The following RANBP3L variants were observed in gnomAD, a reference collection of about 807,000 sequenced individuals.
RANBP3L encodes RAN binding protein 3 like, also known as ran-binding protein 3-like.
A neutral mutation model predicts 67.2 loss-of-function variants in RANBP3L; 56 were observed. The ratio of observed to expected loss-of-function variants is 0.83; its 90% CI spans 0.67 to 1.04. The LOEUF (loss-of-function observed/expected upper bound fraction) is 1.04. Ranked by LOEUF, RANBP3L falls within the 50% of genes least tolerant of loss-of-function variation. The pLI is 0.00. For missense variants in RANBP3L, 496 were observed against 535.5 expected (o/e 0.93, Z 0.73); for synonymous variants, 164 against 181.4 (o/e 0.90, Z 0.77).
At chr5:36,259,663 A>T (rs1247722168) in intron 8 of RANBP3L, among the ~76,000 whole-genome samples, 3 of 152,146 alleles carry the variant, frequency 2.0e-5, no homozygotes, top group Non-Finnish European at 4.4e-5. Flanking sequence ...TGGGTTTTTA[A>T]ATCTCTGCAG....
At chr5:36,251,267 G>C (rs764123833) in intron 13 of RANBP3L, 46 bp downstream of exon 13, 2 of 1,513,366 alleles carry the variant, frequency 1.3e-6, no homozygotes, top group Non-Finnish European at 1.8e-6. Context: ...TCGTGCTTAA[G>C]AATTCTTTTT....
intron 1 of RANBP3L, among the ~76,000 whole-genome samples, chr5:36,297,125 A>G (rs751622158): frequency 5.1e-4 from 77 of 152,304 alleles, no homozygotes; most frequent in Middle Eastern, 3.4e-3. Context: ...TCAATAACAT[A>G]AGACAGTCGA....
intron 1 of RANBP3L, among the ~76,000 whole-genome samples, chr5:36,300,170 G>C (rs1212462898): frequency 2.0e-5 from 3 of 152,144 alleles, no homozygotes; most frequent in African/African-American, 7.2e-5. Context: ...AGAAGCAAGA[G>C]CATTTTACAG....
At chr5:36,272,351 C>T (rs1251625335) in intron 1 of RANBP3L, among the ~76,000 whole-genome samples, 1 of 152,176 alleles carries the variant, frequency 6.6e-6, no homozygotes, top group African/African-American at 2.4e-5. Context: ...GAACTTTTCT[C>T]AGTATAGCAA....
chr5:36,251,332 T>A lies in RANBP3L; in HGVS notation c.1335A>T (p.Gln445His), dbSNP rs755395918. The change falls in exon 13 of 14, where the codon CAA (glutamine) becomes CAT (histidine). Residue 445 changes from glutamine (Q) to histidine (H), a missense_variant. By Grantham distance (24) the Gln-to-His change is conservative. Coordinates refer to ENST00000296604, the MANE Select transcript of RANBP3L (RefSeq NM_145000.5). ...SCDENEDDFI[Q>H]VTKNGSDPSS... ...ATTTACCTGATCCATTTTTAGTGAC[T>A]TGGATGAAATCATCCTCATTCTCAT... is the stretch of plus-strand genomic sequence containing the variant. 1 of 1,612,286 alleles carries A rather than the reference T, an allele frequency of 6.2e-7. No individual in the cohort carries two copies. The highest frequency in any genetic ancestry group is 2.2e-5 in the East Asian group (1 of 44,842).
At chr5:36,259,389 C>G (rs755235975) in intron 8 of RANBP3L, among the ~76,000 whole-genome samples, 11 of 152,074 alleles carry the variant, frequency 7.2e-5, no homozygotes, top group Non-Finnish European at 1.6e-4. Flanking sequence ...TTGAGGCCAG[C>G]CTGGCAACAT....
At chr5:36,265,644 T>C in intron 4 of RANBP3L, 124 bp from the exon 5 acceptor site, 2 of 551,382 alleles carry the variant, frequency 3.6e-6, no homozygotes, top group Admixed American at 3.5e-5. Flanking sequence ...AACAGAGTAG[T>C]AGGTAGTGCC....
intron 1 of RANBP3L, among the ~76,000 whole-genome samples, chr5:36,274,393 T>G (rs1297709480): frequency 1.3e-5 from 2 of 151,854 alleles, no homozygotes; most frequent in African/African-American, 4.8e-5. Flanking sequence ...GGGGTCAGGG[T>G]AAGGTTTCCA....
In RANBP3L at chr5:36,271,364, T is replaced by C. The variant is rs1750200630; in HGVS notation, c.92-53A>G. ...AATCAAAGCATACTCTGACATTTCT[T>C]ACATCATCTAAAAATATTTGAAGAC... On this transcript the variant is annotated intron_variant, in intron 1 of 13. Transcript: ENST00000296604. The C allele has an allele frequency of 2.7e-6, 3 of 1,129,178 alleles. No individual in the cohort carries two copies. The South Asian group carries it at 4.0e-5, about 15-fold the overall frequency. The allele number at this position is 1,129,178 out of a possible 1,614,324, so 69.9% of individuals were successfully genotyped here.
chr5:36,290,225 T>TG (rs1279008890), intron 1 of RANBP3L, among the ~76,000 whole-genome samples: 123 of 3,210 alleles, frequency 0.038, no homozygotes, highest in African/African-American at 0.13. Flanking sequence ...CTGTCTCACC[T>TG]TTTTTTTTTT....
rs185588738 is a variant in RANBP3L at position 36,301,837 on chromosome 5, A to G, written c.-421T>C. 6.2e-6 allele frequency: 1 copy of G among 160,544 alleles called. No individual in the cohort carries two copies. Among genetic ancestry groups the G allele is most frequent in the African/African-American group, 2.4e-5 (1 of 41,758 alleles). 9.9% of individuals were successfully genotyped at this position (160,544 alleles called of 1,614,324 possible). A position where few individuals can be genotyped will look rare whatever the true frequency, so the allele number is the denominator to read the frequency against. On this transcript the variant is annotated 5_prime_UTR_variant, in exon 1 of 14. Transcript: ENST00000296604. ...GGCTGCTAAAATAATACAGACACAA[A>G]GAAAAGAAAAAGTGCTGCTGAGTTA... is the stretch of plus-strand genomic sequence containing the variant.
At chr5:36,254,312 T>C (rs977067696) in intron 11 of RANBP3L, among the ~76,000 whole-genome samples, 1 of 152,098 alleles carries the variant, frequency 6.6e-6, no homozygotes, top group African/African-American at 2.4e-5. Context: ...TACATCTATA[T>C]ATACAGAAAA....
Position 36,269,449 on chromosome 5 carries a change from G to T in RANBP3L, c.209C>A (p.Thr70Lys), listed in dbSNP as rs1035480. The T allele has an allele frequency of 6.4e-7, 1 of 1,565,360 alleles. No individual in the cohort carries two copies. Among genetic ancestry groups the T allele is most frequent in the African/African-American group, 1.3e-5 (1 of 74,212 alleles). ...AAAAGATGAAGACCGTACACGCTTT[G>T]TTGGAAAACCATTACATTCTGCAAG... ...AAEPECNGFP[T>K]KRVRSSSFTF... The change falls in exon 4 of 14, where the codon ACA becomes AAA. Residue 70 changes from threonine (T) to lysine (K), a missense_variant. By Grantham distance (78) the Thr-to-Lys change is moderately conservative (BLOSUM62 -1). Transcript: ENST00000296604.
At chr5:36,254,980 AC>A (rs1235279243) in intron 11 of RANBP3L, among the ~76,000 whole-genome samples, 1 of 151,776 alleles carries the variant, frequency 6.6e-6, no homozygotes, top group African/African-American at 2.4e-5. Flanking sequence ...CTTCATCCCG[AC>A]CCCCATCCCA....
chr5:36,255,068 C>T (rs935153821), intron 11 of RANBP3L, among the ~76,000 whole-genome samples: 2 of 152,048 alleles, frequency 1.3e-5, no homozygotes, highest in Admixed American at 1.3e-4. Flanking sequence ...AAATAATTTG[C>T]ATCATATTCT....
In RANBP3L at chr5:36,248,260, G is replaced by A. The variant is rs1579657675; in HGVS notation, c.*1394C>T. ...TTTATTTAGAAGTAAAGGATATTAT[G>A]TGCCATATTTCTTCTAGAATCACTG... On this transcript the variant is annotated 3_prime_UTR_variant, in exon 14 of 14. Transcript: ENST00000296604. Among the ~76,000 whole-genome samples, 1 of 151,488 alleles carries A rather than the reference G, an allele frequency of 6.6e-6. No individual in the cohort carries two copies. Among genetic ancestry groups the A allele is most frequent in the South Asian group, 2.1e-4 (1 of 4,800 alleles).
chr5:36,274,125 G>A (rs549344856), intron 1 of RANBP3L, among the ~76,000 whole-genome samples: 8 of 152,284 alleles, frequency 5.3e-5, no homozygotes, highest in African/African-American at 1.9e-4. Context: ...ATTATGGTTT[G>A]GGGGCTGCCT....
At chr5:36,297,600 CATGTA>C (rs1234681012) in intron 1 of RANBP3L, among the ~76,000 whole-genome samples, 2 of 152,114 alleles carry the variant, frequency 1.3e-5, no homozygotes, top group African/African-American at 4.8e-5. Flanking sequence ...CTGCCTAGTA[CATGTA>C]ATGTGTAATG....
At chr5:36,278,890 T>A (rs1460474487) in intron 1 of RANBP3L, among the ~76,000 whole-genome samples, 1 of 152,140 alleles carries the variant, frequency 6.6e-6, no homozygotes, top group Non-Finnish European at 1.5e-5. Flanking sequence ...CATGAACAAA[T>A]TTTTTTGGAA....
Sources: gnomAD v4.1 joint callset for allele counts (sites outside exome capture counted in the v4.1 genomes callset) on GRCh38, gnomAD v4.1.1 for gene constraint, MANE v1.5 for transcripts, NCBI Gene and HGNC (gene_info 2026-07-23, HGNC 2026-07-21) for gene names.